The following ELAVL4 variants were observed in gnomAD, a reference collection of about 807,000 sequenced individuals.
The protein encoded by ELAVL4 is ELAV-like protein 4.
ELAVL4 carries 1 observed loss-of-function variant against 35.6 expected under a neutral mutation model. That is an observed-to-expected ratio of 0.03 (90% confidence interval 0.01 to 0.13). The LOEUF is 0.13. Among genes scored for constraint, ELAVL4 ranks in the 10% least tolerant of loss-of-function variants. ELAVL4 has a pLI of 1.00. For synonymous variants in ELAVL4, 156 were observed against 171.0 expected (o/e 0.91, Z 0.69); for missense variants, 267 against 464.9 (o/e 0.57, Z 3.91).
upstream of ELAVL4, among the ~76,000 whole-genome samples, chr1:50,105,034 C>G (rs1666195669): frequency 6.6e-6 from 1 of 152,156 alleles, no homozygotes; most frequent in African/African-American, 2.4e-5. Flanking sequence ...TTGTTTATCA[C>G]TATTCATATA....
At chr1:50,160,939 AATATAG>A (rs1325118174) in intron 2 of ELAVL4, among the ~76,000 whole-genome samples, 1 of 152,194 alleles carries the variant, frequency 6.6e-6, no homozygotes, top group Non-Finnish European at 1.5e-5. Flanking sequence ...CTTAGTGTTA[AATATAG>A]CAGTTCCTTT....
At chr1:50,150,914 A>G (rs192403686) in intron 2 of ELAVL4, among the ~76,000 whole-genome samples, 2 of 152,334 alleles carry the variant, frequency 1.3e-5, no homozygotes, top group Non-Finnish European at 2.9e-5. Flanking sequence ...ACTGGGCACT[A>G]TAATAATGCT....
chr1:50,179,364 G>C (rs1415290914), intron 3 of ELAVL4, among the ~76,000 whole-genome samples: 2 of 152,092 alleles, frequency 1.3e-5, no homozygotes, highest in African/African-American at 4.8e-5. Context: ...TTTATTTGCT[G>C]TACTAAAAAT....
Position 50,191,649 on chromosome 1 carries a change from A to G in ELAVL4, c.355-2116A>G, listed in dbSNP as rs189384072. On this transcript the variant is annotated intron_variant, in intron 3 of 6. Coordinates refer to ENST00000371824, the MANE Select transcript of ELAVL4 (RefSeq NM_001144774.3). ...TGGTCAGTTAAGGTTGAAACGGGTT[A>G]AGTACCATGGTTCATTGAGAACACT... Among the ~76,000 whole-genome samples the G allele has an allele frequency of 1.1e-4, 17 of 152,294 alleles. No individual in the cohort carries two copies. In the East Asian group the frequency reaches 2.9e-3, roughly 26 times the overall value.
chr1:50,113,664 T>C (rs1667463437), intron 1 of ELAVL4, among the ~76,000 whole-genome samples: 1 of 152,130 alleles, frequency 6.6e-6, no homozygotes, highest in Non-Finnish European at 1.5e-5. Flanking sequence ...GACATGAACA[T>C]TTTCAAGCTT....
At chr1:50,196,941 C>T (rs978330833) in intron 5 of ELAVL4, among the ~76,000 whole-genome samples, 2 of 152,080 alleles carry the variant, frequency 1.3e-5, no homozygotes, top group African/African-American at 4.8e-5. Context: ...TGCAAACTCC[C>T]CCTGCCTCCC....
intron 1 of ELAVL4, among the ~76,000 whole-genome samples, chr1:50,077,047 C>T (rs1449910052): frequency 1.3e-5 from 2 of 151,962 alleles, no homozygotes; most frequent in Non-Finnish European, 2.9e-5. Context: ...CTCTCTCTCT[C>T]ATACATATAT....
intron 1 of ELAVL4, among the ~76,000 whole-genome samples, chr1:50,127,668 T>G (rs1475678111): frequency 6.6e-6 from 1 of 152,136 alleles, no homozygotes; most frequent in Non-Finnish European, 1.5e-5. Context: ...CACATTCCTG[T>G]GAACCACATT....
chr1:50,103,752 A>G (rs1413697828), upstream of ELAVL4, among the ~76,000 whole-genome samples: 2 of 151,982 alleles, frequency 1.3e-5, no homozygotes, highest in African/African-American at 4.8e-5. Context: ...AATTATCTAT[A>G]TGTGTGTGTG....
chr1:50,164,747 A>G (rs1288575773), intron 2 of ELAVL4, among the ~76,000 whole-genome samples: 2 of 152,196 alleles, frequency 1.3e-5, no homozygotes, highest in Admixed American at 1.3e-4. Flanking sequence ...TCCTATGGAC[A>G]TGGGTAAGGC....
At chr1:50,108,876 G>T (rs774112985), upstream of ELAVL4, 196 of 1,034,878 alleles carry the variant, frequency 1.9e-4, no homozygotes, top group Non-Finnish European at 2.2e-4. Flanking sequence ...CCAGGCTTCG[G>T]CTGACAGATG....
chr1:50,156,809 G>C lies in ELAVL4; in HGVS notation c.250+11612G>C, dbSNP rs182015170. 3.4e-4 allele frequency among the ~76,000 whole-genome samples: 51 copies of C among 152,228 alleles called. No individual in the cohort carries two copies. The East Asian group carries it at 9.7e-3, about 29-fold the overall frequency. On this transcript the variant is annotated intron_variant, in intron 2 of 6. Transcript: ENST00000371824. ...GGGACGAGAGACCTTCACAAGAGAGGGTTTCCCACATTCTTGCTGTTTCAT... is the reference window on the plus strand; with the variant it reads ...GGGACGAGAGACCTTCACAAGAGAGCGTTTCCCACATTCTTGCTGTTTCAT...
chr1:50,069,646 T>C (rs1664422955), intron 1 of ELAVL4, among the ~76,000 whole-genome samples: 1 of 152,250 alleles, frequency 6.6e-6, no homozygotes, highest in South Asian at 2.1e-4. Context: ...AACCTCACCA[T>C]CCTTGAATCA....
intron 3 of ELAVL4, among the ~76,000 whole-genome samples, chr1:50,187,022 G>A (rs1282290804): frequency 6.6e-6 from 1 of 152,190 alleles, no homozygotes; most frequent in African/African-American, 2.4e-5. Context: ...GCTCCTAGAG[G>A]TGGGATTGTA....
chr1:50,070,105 A>ATTCCTTGTT (rs1419309164), intron 1 of ELAVL4, among the ~76,000 whole-genome samples: 4 of 152,216 alleles, frequency 2.6e-5, no homozygotes, highest in Admixed American at 2.6e-4. Context: ...AGGCAACAGG[A>ATTCCTTGTT]TTCCTTGTTT....
chr1:50,121,174 T>C (rs1055231301), intron 1 of ELAVL4, among the ~76,000 whole-genome samples: 1 of 152,078 alleles, frequency 6.6e-6, no homozygotes, highest in Non-Finnish European at 1.5e-5. Context: ...CTTGTGGATC[T>C]TGGATCTGTC....
intron 1 of ELAVL4, among the ~76,000 whole-genome samples, chr1:50,144,128 TGAG>T (rs982581164): frequency 5.3e-5 from 8 of 152,188 alleles, no homozygotes; most frequent in African/African-American, 1.9e-4. Context: ...ATAAGCTCCC[TGAG>T]GATAGGGATT....
intron 1 of ELAVL4, among the ~76,000 whole-genome samples, chr1:50,073,638 A>C (rs1002329095): frequency 6.6e-5 from 10 of 152,168 alleles, no homozygotes; most frequent in African/African-American, 1.7e-4. Flanking sequence ...TAGTGGATAC[A>C]CACACACATG....
At chr1:50,077,526 C>A (rs1392734386) in intron 1 of ELAVL4, among the ~76,000 whole-genome samples, 1 of 152,144 alleles carries the variant, frequency 6.6e-6, no homozygotes, top group Non-Finnish European at 1.5e-5. Context: ...CTAGGGAGGG[C>A]AAATGACTTT....
Sources: gnomAD v4.1 joint callset for allele counts (sites outside exome capture counted in the v4.1 genomes callset) on GRCh38, gnomAD v4.1.1 for gene constraint, MANE v1.5 for transcripts, NCBI Gene and HGNC (gene_info 2026-07-23, HGNC 2026-07-21) for gene names.